The following CISD1 variants were observed in gnomAD, a reference collection of about 807,000 sequenced individuals.
The protein encoded by CISD1 is CDGSH iron sulfur domain 1.
CISD1 carries 8 observed loss-of-function variants against 12.0 expected under a neutral mutation model. The ratio of observed to expected loss-of-function variants is 0.67; its 90% CI spans 0.39 to 1.20. The LOEUF (loss-of-function observed/expected upper bound fraction) is 1.20. Ranked by LOEUF, CISD1 falls within the 50% of genes most tolerant of loss-of-function variation. The pLI is 0.01. For missense variants in CISD1, 107 were observed against 132.7 expected, an observed-to-expected ratio of 0.81 and a Z score of 0.95; for synonymous variants, 38 against 42.2, an observed-to-expected ratio of 0.90 and a Z score of 0.39.
chr10:58,277,946 T>A (rs1186821759), intron 2 of CISD1, among the ~76,000 whole-genome samples: 1 of 152,176 alleles, frequency 6.6e-6, no homozygotes, highest in Non-Finnish European at 1.5e-5. Context: ...CGTAAAAACT[T>A]ATGTGGTAAA....
chr10:58,284,960 G>C (rs1178184949), intron 2 of CISD1, among the ~76,000 whole-genome samples: 1 of 152,146 alleles, frequency 6.6e-6, no homozygotes, highest in East Asian at 1.9e-4. Flanking sequence ...AAAATCATCT[G>C]TGTTTGTTTA....
At chr10:58,278,824 GT>G (rs1238125999) in intron 2 of CISD1, among the ~76,000 whole-genome samples, 1 of 152,138 alleles carries the variant, frequency 6.6e-6, no homozygotes, top group African/African-American at 2.4e-5. Flanking sequence ...CTGACCTCAT[GT>G]GACAGTTCAC....
At chr10:58,273,256 A>G (rs768043827) in intron 1 of CISD1, 1 of 152,120 alleles carries the variant, frequency 6.6e-6, no homozygotes, top group Non-Finnish European at 1.5e-5. Context: ...TTAGTCATCC[A>G]TTATTTCTTT....
intron 1 of CISD1, among the ~76,000 whole-genome samples, chr10:58,269,952 C>T (rs1018339746): frequency 3.9e-5 from 6 of 152,150 alleles, no homozygotes; most frequent in African/African-American, 1.4e-4. Flanking sequence ...AACAGTATTT[C>T]GCAGAAAGTC....
intron 2 of CISD1, among the ~76,000 whole-genome samples, chr10:58,285,606 C>T (rs776372986): frequency 1.7e-4 from 26 of 152,026 alleles, no homozygotes; most frequent in Non-Finnish European, 3.4e-4. Flanking sequence ...ATAAAAGATA[C>T]AAATATAGAG....
intron 1 of CISD1, among the ~76,000 whole-genome samples, chr10:58,273,168 G>A (rs1406221468): frequency 6.6e-6 from 1 of 152,064 alleles, no homozygotes; most frequent in Non-Finnish European, 1.5e-5. Flanking sequence ...TTAAGAAGAA[G>A]GTAAAGATAA....
chr10:58,277,602 C>G (rs1288884083), intron 2 of CISD1, among the ~76,000 whole-genome samples: 1 of 110,362 alleles, frequency 9.1e-6, no homozygotes, highest in Non-Finnish European at 1.7e-5. Context: ...ATCACTTTTT[C>G]TTTCTTTTTT....
At chr10:58,276,786 A>G (rs1031196782) in intron 1 of CISD1, among the ~76,000 whole-genome samples, 2 of 150,950 alleles carry the variant, frequency 1.3e-5, no homozygotes, top group African/African-American at 2.4e-5. Flanking sequence ...GCAAGTTCAC[A>G]TGTTATTTAA....
rs764795503 is a variant in CISD1, at chr10:58,287,676, A to C, written c.*26A>C. The C allele has an allele frequency of 1.3e-6, 2 of 1,492,180 alleles. No homozygotes were observed. The highest frequency in any genetic ancestry group is 1.8e-6 in the Non-Finnish European group (2 of 1,081,854). 92.4% of individuals were successfully genotyped at this position (1,492,180 alleles called of 1,614,324 possible). ...ATGGACACTTTTGATGCTGCAAATC[A>C]GCTTGTCGTGAAGTTACCTGATTGT... On this transcript the variant is annotated 3_prime_UTR_variant, in exon 3 of 3. Coordinates refer to ENST00000333926, the MANE Select transcript of CISD1 (RefSeq NM_018464.5).
At chr10:58,279,711 T>C (rs1839353722) in intron 2 of CISD1, among the ~76,000 whole-genome samples, 1 of 152,218 alleles carries the variant, frequency 6.6e-6, no homozygotes, top group Admixed American at 6.5e-5. Flanking sequence ...TGATCTTCAG[T>C]AGTTCATTTA....
chr10:58,269,171 G>A lies in CISD1; in HGVS notation c.-103G>A. The A allele has an allele frequency of 8.1e-7, 1 of 1,241,366 alleles. No individual in the cohort carries two copies. Among genetic ancestry groups the A allele is most frequent in the South Asian group, 1.2e-5 (1 of 82,810 alleles). 76.9% of individuals were successfully genotyped at this position (1,241,366 alleles called of 1,614,324 possible). ...GCGGCGCCTGCGCGGTAGCATCGCG[G>A]AGTCGGTGCTTTAGTACGCCGCTGG... On this transcript the variant is annotated 5_prime_UTR_variant, in exon 1 of 3. Transcript: ENST00000333926.
chr10:58,271,246 A>G (rs1344251846), intron 1 of CISD1, among the ~76,000 whole-genome samples: 1 of 48 alleles, frequency 0.021, no homozygotes, highest in Non-Finnish European at 0.031. Flanking sequence ...TCACCGTTTT[A>G]GCCGGGATGG....
At chr10:58,271,962 C>T (rs1405546609) in intron 1 of CISD1, among the ~76,000 whole-genome samples, 1 of 152,140 alleles carries the variant, frequency 6.6e-6, no homozygotes, top group Admixed American at 6.5e-5. Context: ...TATGATTCCT[C>T]CTCATATCCA....
chr10:58,270,674 C>T (rs984973084), intron 1 of CISD1, among the ~76,000 whole-genome samples: 1 of 152,224 alleles, frequency 6.6e-6, no homozygotes, highest in Non-Finnish European at 1.5e-5. Flanking sequence ...TTAGGACTTA[C>T]CGCTATCTGC....
At chr10:58,285,852 A>T (rs1839422486) in intron 2 of CISD1, among the ~76,000 whole-genome samples, 1 of 152,196 alleles carries the variant, frequency 6.6e-6, no homozygotes, top group African/African-American at 2.4e-5. Flanking sequence ...TACAAAAGAA[A>T]TTAAAACTTG....
In CISD1 at chr10:58,284,164, G is replaced by A. The variant is rs1278013236; in HGVS notation, c.238-3397G>A. 2.6e-5 allele frequency among the ~76,000 whole-genome samples: 4 copies of A among 151,746 alleles called. No individual in the cohort carries two copies. The East Asian group carries it at 5.8e-4, about 22-fold the overall frequency. On this transcript the variant is annotated intron_variant, in intron 2 of 2. Coordinates refer to ENST00000333926, the MANE Select transcript of CISD1 (RefSeq NM_018464.5). Reference sequence around the variant, plus strand: ...GTAACAGCCAATGTAGTGAAACCTTGTCTCCACAAAAAAATGCAGAAATTA... The same window carrying A: ...GTAACAGCCAATGTAGTGAAACCTTATCTCCACAAAAAAATGCAGAAATTA...
chr10:58,275,368 A>G (rs1376327180), intron 1 of CISD1, among the ~76,000 whole-genome samples: 1 of 152,252 alleles, frequency 6.6e-6, no homozygotes, highest in Non-Finnish European at 1.5e-5. Flanking sequence ...GAATCTAGCC[A>G]GAAGTCATAG....
At position 58,287,688 on chromosome 10, in the gene CISD1, A is replaced by T; in HGVS notation, c.*38A>T. 3 of 1,368,190 alleles carry T rather than the reference A, an allele frequency of 2.2e-6. No homozygotes were observed. The highest frequency in any genetic ancestry group is 3.1e-6 in the Non-Finnish European group (3 of 975,710). The allele number at this position is 1,368,190 out of a possible 1,614,324, so 84.8% of individuals were successfully genotyped here. On this transcript the variant is annotated 3_prime_UTR_variant, in exon 3 of 3. Transcript: ENST00000333926. The stretch of plus-strand genomic sequence containing the variant: ...GATGCTGCAAATCAGCTTGTCGTGA[A>T]GTTACCTGATTGTTTAATTAGAATG...
intron 2 of CISD1, among the ~76,000 whole-genome samples, chr10:58,280,567 A>C (rs971089304): frequency 6.6e-6 from 1 of 152,232 alleles, no homozygotes; most frequent in Non-Finnish European, 1.5e-5. Flanking sequence ...AATGCACAGC[A>C]GACAACACGA....
Sources: gnomAD v4.1 joint callset for allele counts (sites outside exome capture counted in the v4.1 genomes callset) on GRCh38, gnomAD v4.1.1 for gene constraint, MANE v1.5 for transcripts, NCBI Gene and HGNC (gene_info 2026-07-23, HGNC 2026-07-21) for gene names.